Variants in DLG2 observed in about 807,000 individuals in gnomAD.
DLG2 encodes the protein discs large MAGUK scaffold protein 2, also known as disks large homolog 2.
A neutral mutation model predicts 132.5 loss-of-function variants in DLG2; 45 were observed. That is an observed-to-expected ratio of 0.34 (90% confidence interval 0.27 to 0.44). The LOEUF is 0.44. Ranked by LOEUF, DLG2 falls within the 20% of genes least tolerant of loss-of-function variation. The pLI is 1.00. For synonymous variants in DLG2, 424 were observed against 419.6 expected (o/e 1.01, Z -0.13); for missense variants, 1,045 against 1,196.9 (o/e 0.87, Z 1.87).
intron 19 of DLG2, among the ~76,000 whole-genome samples, chr11:83,602,359 A>G (rs553935): frequency 0.5 from 75,922 of 152,092 alleles, 19,898 homozygotes; most frequent in African/African-American, 0.65. Context: ...TTTTCCAGCA[A>G]ATTACAGCAC....
chr11:84,343,229 A>C (rs1284481096), intron 7 of DLG2, among the ~76,000 whole-genome samples: 1 of 152,214 alleles, frequency 6.6e-6, no homozygotes, highest in Non-Finnish European at 1.5e-5. Flanking sequence ...AGTTAGAATG[A>C]ACAAATGCTT....
At chr11:83,508,392 A>ATG (rs1239644671) in intron 21 of DLG2, among the ~76,000 whole-genome samples, 2 of 112,632 alleles carry the variant, frequency 1.8e-5, no homozygotes, top group Non-Finnish European at 3.6e-5. Context: ...GCACACCACC[A>ATG]CGCCTGGCTA....
At chr11:83,923,776 T>C (rs1195697055) in intron 15 of DLG2, among the ~76,000 whole-genome samples, 2 of 152,142 alleles carry the variant, frequency 1.3e-5, no homozygotes, top group Non-Finnish European at 2.9e-5. Flanking sequence ...CTCTATAATA[T>C]AATACTAACT....
At chr11:84,716,850 A>T (rs1178368500) in intron 6 of DLG2, among the ~76,000 whole-genome samples, 2 of 152,012 alleles carry the variant, frequency 1.3e-5, no homozygotes, top group Admixed American at 1.3e-4. Flanking sequence ...AAGTGGAATT[A>T]CTTCCTCAAT....
intron 9 of DLG2, among the ~76,000 whole-genome samples, chr11:84,144,549 C>A (rs763853154): frequency 1.3e-5 from 2 of 152,100 alleles, no homozygotes; most frequent in Non-Finnish European, 2.9e-5. Flanking sequence ...AATTCAGAGT[C>A]ATGTCAGCTT....
intron 4 of DLG2, among the ~76,000 whole-genome samples, chr11:85,263,234 A>G (rs2077035138): frequency 6.6e-6 from 1 of 152,200 alleles, no homozygotes; most frequent in African/African-American, 2.4e-5. Flanking sequence ...CAATCCAGGT[A>G]CAAGAGGAAA....
intron 7 of DLG2, among the ~76,000 whole-genome samples, chr11:84,313,502 AAGAG>A (rs1386570089): frequency 2.3e-5 from 3 of 132,492 alleles, no homozygotes; most frequent in Admixed American, 7.5e-5. Flanking sequence ...GAAAGAAAGA[AAGAG>A]AGAGAGAGAC....
chr11:83,733,176 G>C (rs1197515426), intron 18 of DLG2, among the ~76,000 whole-genome samples: 1 of 149,894 alleles, frequency 6.7e-6, no homozygotes, highest in African/African-American at 2.5e-5. Flanking sequence ...GGGAGGCAGA[G>C]GTTGCAGGGA....
rs2089963772 is a variant in DLG2 at position 83,965,479 on chromosome 11, G to T, written c.1057-11C>A. ...ACTGTAGTTGTTTACCTGAAAGGGT[G>T]AAAAAGATCAATATTAGAGTTAAAT... On this transcript the variant is annotated splice_polypyrimidine_tract_variant and intron_variant, in intron 12 of 27. Coordinates refer to ENST00000376104, the MANE Select transcript of DLG2 (RefSeq NM_001142699.3). 5.0e-6 allele frequency: 8 copies of T among 1,593,098 alleles called. No homozygotes were observed. In the East Asian group the frequency reaches 1.8e-4, roughly 36 times the overall value.
intron 8 of DLG2, among the ~76,000 whole-genome samples, chr11:84,227,468 G>T (rs564916012): frequency 5.6e-4 from 85 of 152,230 alleles, no homozygotes; most frequent in African/African-American, 1.6e-3. Context: ...TGCCCCCACT[G>T]AGCCATTTAT....
intron 7 of DLG2, among the ~76,000 whole-genome samples, chr11:84,469,892 T>C (rs2154489512): frequency 6.6e-6 from 1 of 151,756 alleles, no homozygotes; most frequent in East Asian, 1.9e-4. Context: ...TTCGGTGTTG[T>C]ACGAACATCG....
chr11:84,313,502 AAG>A (rs1386570089), intron 7 of DLG2, among the ~76,000 whole-genome samples: 3 of 132,492 alleles, frequency 2.3e-5, no homozygotes, highest in African/African-American at 5.3e-5. Flanking sequence ...GAAAGAAAGA[AAG>A]AGAGAGAGAG....
chr11:85,095,699 T>C (rs1594093064), intron 6 of DLG2, among the ~76,000 whole-genome samples: 1 of 152,164 alleles, frequency 6.6e-6, no homozygotes. Context: ...CCCACTACCA[T>C]ACCTAAAATG....
chr11:85,058,096 A>G (rs2063650486), intron 6 of DLG2, among the ~76,000 whole-genome samples: 2 of 151,414 alleles, frequency 1.3e-5, no homozygotes, highest in Admixed American at 6.6e-5. Flanking sequence ...ATTAGAAGAG[A>G]CCAAATAAAA....
At chr11:84,732,865 C>T (rs1355090006) in intron 6 of DLG2, among the ~76,000 whole-genome samples, 1 of 151,294 alleles carries the variant, frequency 6.6e-6, no homozygotes, top group Non-Finnish European at 1.5e-5. Context: ...TGTTCAATTC[C>T]CACCTATGAG....
chr11:83,892,907 G>A (rs2070385222), intron 15 of DLG2, among the ~76,000 whole-genome samples: 2 of 152,112 alleles, frequency 1.3e-5, no homozygotes, highest in South Asian at 4.1e-4. Context: ...TGATCTTCAA[G>A]CATATATAAT....
At chr11:84,151,139 G>A (rs2095279972) in intron 9 of DLG2, among the ~76,000 whole-genome samples, 1 of 151,654 alleles carries the variant, frequency 6.6e-6, no homozygotes, top group Admixed American at 6.6e-5. Flanking sequence ...GGTTAGGGAG[G>A]GGTCCCTAAC....
At chr11:84,879,051 G>A (rs1343664095) in intron 6 of DLG2, among the ~76,000 whole-genome samples, 2 of 151,362 alleles carry the variant, frequency 1.3e-5, no homozygotes, top group African/African-American at 2.4e-5. Context: ...ACAAAGTAAT[G>A]AGAATGAGTC....
chr11:84,338,908 A>T (rs1366082764), intron 7 of DLG2, among the ~76,000 whole-genome samples: 2 of 152,232 alleles, frequency 1.3e-5, no homozygotes, highest in African/African-American at 4.8e-5. Flanking sequence ...ATGTAGTAGT[A>T]GTTATCATTT....
Sources: gnomAD v4.1 joint callset for allele counts (sites outside exome capture counted in the v4.1 genomes callset) on GRCh38, gnomAD v4.1.1 for gene constraint, MANE v1.5 for transcripts, NCBI Gene and HGNC (gene_info 2026-07-23, HGNC 2026-07-21) for gene names.